Variants in KREMEN1 observed in about 807,000 individuals in gnomAD.
The protein encoded by KREMEN1 is kringle containing transmembrane protein 1.
KREMEN1 carries 30 observed loss-of-function variants against 46.5 expected under a neutral mutation model. The ratio of observed to expected loss-of-function variants is 0.65; its 90% confidence interval spans 0.48 to 0.88. The LOEUF is 0.88. Ranked by LOEUF, KREMEN1 falls within the 40% of genes least tolerant of loss-of-function variation. KREMEN1 has a pLI of 0.00. For missense variants in KREMEN1, 533 were observed against 596.9 expected (o/e 0.89, Z 1.11); for synonymous variants, 214 against 230.6 (o/e 0.93, Z 0.65).
At position 29,137,672 on chromosome 22, in the gene KREMEN1, A is replaced by C; in HGVS notation, c.962A>C (p.Gln321Pro). Residue 321 changes from glutamine to proline, a missense_variant and splice_region_variant, in exon 6 of 9, where the codon CAA becomes CCA. Physicochemically the swap from Gln to Pro is moderately conservative, Grantham distance 76. Transcript: ENST00000400335. ...NQAQGFAVLYQAVKEELPQER... is the reference protein window; with the variant it reads ...NQAQGFAVLYPAVKEELPQER... ...GCCCAGGGATTTGCTGTTTTATACC[A>C]AGGTAAGACATCTTTGCCTCCTTGG... 1 of 1,583,364 alleles carries C rather than the reference A, an allele frequency of 6.3e-7. No individual in the cohort carries two copies. Among genetic ancestry groups the C allele is most frequent in the Non-Finnish European group, 8.7e-7 (1 of 1,155,594 alleles).
intron 3 of KREMEN1, among the ~76,000 whole-genome samples, chr22:29,107,280 G>A (rs139476368): frequency 0.039 from 5,601 of 144,326 alleles, 334 homozygotes; most frequent in African/African-American, 0.13. Context: ...CTGGAGTGCA[G>A]TGGTGTGATC....
downstream of KREMEN1, among the ~76,000 whole-genome samples, chr22:29,148,177 G>C (rs116654395): frequency 0.018 from 2,673 of 152,226 alleles, 73 homozygotes; most frequent in African/African-American, 0.061. Context: ...CACTGCAGTC[G>C]CTGTGGGACA....
intron 3 of KREMEN1, among the ~76,000 whole-genome samples, chr22:29,101,339 T>A (rs2037973725): frequency 6.6e-6 from 1 of 150,962 alleles, no homozygotes; most frequent in Non-Finnish European, 1.5e-5. Flanking sequence ...AAGCTAAGTG[T>A]TATTATGAAA....
intron 3 of KREMEN1, among the ~76,000 whole-genome samples, chr22:29,107,245 C>CAG (rs1037756391): frequency 8.5e-6 from 1 of 117,624 alleles, no homozygotes; most frequent in Non-Finnish European, 1.7e-5. Flanking sequence ...TTTTTTGAGA[C>CAG]AGAGTTTTGC....
chr22:29,096,573 G>T (rs1312088357), intron 2 of KREMEN1, among the ~76,000 whole-genome samples: 3 of 152,186 alleles, frequency 2.0e-5, no homozygotes, highest in Non-Finnish European at 4.4e-5. Flanking sequence ...TTGATGGAAT[G>T]CAGGAGACCT....
In KREMEN1 at chr22:29,121,396, CA is replaced by C; in HGVS notation, c.393del (p.Pro132LeufsTer3). Reference protein sequence around the residue: ...NLGCYKDHGNPPPLTGTSKTS... With the variant: ...NLGCYKDHGNXPPLTGTSKTS... Reference sequence around the variant, plus strand: ...GGCTGCTACAAGGATCATGGAAACCCACCTCCTCTAACTGGCACCAGTAAAA... The same window carrying C: ...GGCTGCTACAAGGATCATGGAAACCCCCTCCTCTAACTGGCACCAGTAAAA... On this transcript the variant is annotated frameshift_variant, in exon 4 of 9. Transcript: ENST00000400335. LOFTEE classifies it high-confidence loss of function. 1 of 1,613,994 alleles carries C rather than the reference CA, an allele frequency of 6.2e-7. No homozygotes were observed. The highest frequency in any genetic ancestry group is 1.7e-5 in the Admixed American group (1 of 60,022).
intron 8 of KREMEN1, among the ~76,000 whole-genome samples, chr22:29,141,273 G>GTGTGTC (rs1223005428): frequency 2.0e-5 from 3 of 150,134 alleles, no homozygotes; most frequent in Non-Finnish European, 4.4e-5. Context: ...GTGTGTGTGT[G>GTGTGTC]TGTGTCTGTG....
intron 9 of KREMEN1, among the ~76,000 whole-genome samples, chr22:29,160,539 C>CAAAAAAAAAAAAAAAAAAA (rs132303): frequency 9.7e-6 from 1 of 103,508 alleles, no homozygotes; most frequent in African/African-American, 3.6e-5. Context: ...GACTCCGTCT[C>CAAAAAAAAAAAAAAAAAAA]AAAAAAAAAA....
In KREMEN1 at chr22:29,145,269, C is replaced by T. The variant is rs755740792; in HGVS notation, c.*3157C>T. 18 of 985,516 alleles carry T rather than the reference C, an allele frequency of 1.8e-5. No homozygotes were observed. The East Asian group carries it at 3.4e-4, about 19-fold the overall frequency. 61.0% of individuals were successfully genotyped at this position (985,516 alleles called of 1,614,324 possible). A position where few individuals can be genotyped will look rare whatever the true frequency, so the allele number is the denominator to read the frequency against. On this transcript the variant is annotated 3_prime_UTR_variant, in exon 9 of 9. Coordinates refer to ENST00000400335, the MANE Select transcript of KREMEN1 (RefSeq NM_001039570.3). Reference sequence around the variant, plus strand: ...GAGATAAAGTGGGGGTTGGAGGTGGCGAAAAGAGGGTAACCCTGGGAAAGT... The same window carrying T: ...GAGATAAAGTGGGGGTTGGAGGTGGTGAAAAGAGGGTAACCCTGGGAAAGT...
At chr22:29,134,030 C>T (rs1758460555) in intron 5 of KREMEN1, 2 of 151,986 alleles carry the variant, frequency 1.3e-5, no homozygotes, top group Non-Finnish European at 2.9e-5. Flanking sequence ...GCTTCAGCAG[C>T]ACATATACTA....
chr22:29,102,418 G>A (rs921324072), intron 3 of KREMEN1, among the ~76,000 whole-genome samples: 3 of 152,206 alleles, frequency 2.0e-5, no homozygotes, highest in African/African-American at 7.2e-5. Flanking sequence ...TTTGCCTCTA[G>A]TTATGTAAAG....
At chr22:29,084,340 C>G (rs2037700664) in intron 1 of KREMEN1, among the ~76,000 whole-genome samples, 1 of 152,066 alleles carries the variant, frequency 6.6e-6, no homozygotes, top group South Asian at 2.1e-4. Flanking sequence ...GGGATGTATC[C>G]CAGCAGGTCC....
At position 29,142,607 on chromosome 22, in the gene KREMEN1, T is replaced by A. The variant is rs1483186048; in HGVS notation, c.*495T>A. 3 of 985,510 alleles carry A rather than the reference T, an allele frequency of 3.0e-6. No homozygotes were observed. Among genetic ancestry groups the A allele is most frequent in the Non-Finnish European group, 3.6e-6 (3 of 830,100 alleles). 61.0% of individuals were successfully genotyped at this position (985,510 alleles called of 1,614,324 possible). ...ACTCTCAGGTACTCTTGGGAGTTGG[T>A]CCCATACAAGTGCGGACTCCTGGAC... On this transcript the variant is annotated 3_prime_UTR_variant, in exon 9 of 9. Transcript: ENST00000400335.
rs1001532074 is a variant in KREMEN1 at position 29,144,181 on chromosome 22, T to C, written c.*2069T>C. ...TTTGGCGTTTCCTCTTTGCAGCACT[T>C]TGCCTACCTCCCCCAAGCCCTGAGC... On this transcript the variant is annotated 3_prime_UTR_variant, in exon 9 of 9. Transcript: ENST00000400335. 3.9e-5 allele frequency: 38 copies of C among 985,592 alleles called. No individual in the cohort carries two copies. In the African/African-American group the frequency reaches 6.6e-4, roughly 17 times the overall value. 61.1% of individuals were successfully genotyped at this position (985,592 alleles called of 1,614,324 possible).
chr22:29,162,423 A>G (rs1377842288), intron 9 of KREMEN1, among the ~76,000 whole-genome samples: 3 of 152,240 alleles, frequency 2.0e-5, no homozygotes, highest in East Asian at 3.9e-4. Flanking sequence ...TTGGAACAAG[A>G]AAAGCAATGC....
chr22:29,097,198 T>G (rs972318101), intron 2 of KREMEN1, among the ~76,000 whole-genome samples: 1 of 152,176 alleles, frequency 6.6e-6, no homozygotes, highest in African/African-American at 2.4e-5. Context: ...CTAACCGGAG[T>G]GTCAGCTTTC....
At chr22:29,085,909 C>T (rs112070008) in intron 1 of KREMEN1, among the ~76,000 whole-genome samples, 8,314 of 151,188 alleles carry the variant, frequency 0.055, 277 homozygotes, top group East Asian at 0.12. Context: ...AGGTAGAGGC[C>T]GCAGTGAGCC....
At chr22:29,140,942 A>G (rs2145851227) in intron 8 of KREMEN1, among the ~76,000 whole-genome samples, 1 of 152,250 alleles carries the variant, frequency 6.6e-6, no homozygotes. Context: ...ATGTTTGTGT[A>G]CTTAGAGGGG....
intron 9 of KREMEN1, among the ~76,000 whole-genome samples, chr22:29,159,666 G>A (rs2038993889): frequency 6.6e-6 from 1 of 151,996 alleles, no homozygotes; most frequent in East Asian, 1.9e-4. Context: ...AAACATTCAG[G>A]AAGCACAGGT....
Sources: allele counts gnomAD v4.1 joint callset (sites outside exome capture counted in the v4.1 genomes callset), GRCh38; gene constraint gnomAD v4.1.1; transcripts MANE v1.5; gene names NCBI Gene and HGNC (gene_info 2026-07-23, HGNC 2026-07-21).